Variants in SLC4A4 observed in about 807,000 individuals in gnomAD.
SLC4A4 encodes solute carrier family 4 member 4, also known as electrogenic sodium bicarbonate cotransporter 1.
In SLC4A4, 27 loss-of-function variants were observed where a neutral mutation model predicts 111.5. The observed-to-expected ratio is 0.24, with a 90% CI of 0.18 to 0.33. The LOEUF is 0.33. SLC4A4 is among the 10% of genes least tolerant of loss of function. The pLI, the probability that SLC4A4 is intolerant of heterozygous loss-of-function variation, is 1.00. For synonymous variants in SLC4A4, 443 were observed against 463.4 expected, an observed-to-expected ratio of 0.96 and a Z score of 0.57; for missense variants, 909 against 1,315.5, an observed-to-expected ratio of 0.69 and a Z score of 4.78.
chr4:71,198,961 G>A (rs575761379), intron 1 of SLC4A4, among the ~76,000 whole-genome samples: 4 of 152,134 alleles, frequency 2.6e-5, no homozygotes, highest in Non-Finnish European at 5.9e-5. Context: ...CAAATCACTG[G>A]GTGGATTAAG....
At chr4:71,279,288 G>A (rs1723311962) in intron 3 of SLC4A4, among the ~76,000 whole-genome samples, 4 of 152,022 alleles carry the variant, frequency 2.6e-5, no homozygotes, top group Admixed American at 2.0e-4. Flanking sequence ...TGCCTCTGTT[G>A]AGTATGACAT....
rs75101057 is a variant in SLC4A4 at position 71,270,557 on chromosome 4, T to G, written c.253+15158T>G. ...GATTCTGTGAGAACATTTGACCTCC[T>G]GGAATAAATCAGCAAATTACTTAAA... is the stretch of plus-strand genomic sequence containing the variant. On this transcript the variant is annotated intron_variant, in intron 3 of 25. Coordinates refer to ENST00000264485, the MANE Select transcript of SLC4A4 (RefSeq NM_001098484.3). 9.1e-3 allele frequency among the ~76,000 whole-genome samples: 1,387 copies of G among 152,342 alleles called. 14 individuals are homozygous for G. The highest frequency in any genetic ancestry group is 0.014 in the Non-Finnish European group (929 of 68,030).
intron 4 of SLC4A4, among the ~76,000 whole-genome samples, chr4:71,344,518 G>T (rs754644923): frequency 6.6e-6 from 1 of 152,092 alleles, no homozygotes; most frequent in African/African-American, 2.4e-5. Context: ...GATGTGACAT[G>T]AATCTTTTTC....
intron 2 of SLC4A4, among the ~76,000 whole-genome samples, chr4:71,249,792 G>A (rs1720933094): frequency 6.6e-6 from 1 of 151,696 alleles, no homozygotes; most frequent in Non-Finnish European, 1.5e-5. Context: ...GCTGAGGCAG[G>A]AGAATCACTT....
At chr4:71,346,698 G>C (rs1044335034) in intron 4 of SLC4A4, among the ~76,000 whole-genome samples, 1 of 152,000 alleles carries the variant, frequency 6.6e-6, no homozygotes, top group African/African-American at 2.4e-5. Context: ...ATTTGTCCTT[G>C]ATATGCGAGG....
intron 2 of SLC4A4, among the ~76,000 whole-genome samples, chr4:71,160,025 A>C (rs1744577576): frequency 6.6e-6 from 1 of 152,008 alleles, no homozygotes; most frequent in African/African-American, 2.4e-5. Flanking sequence ...TTGAATGCTT[A>C]CTATGCCAGA....
At chr4:71,180,986 C>T (rs1206543000) in intron 2 of SLC4A4, among the ~76,000 whole-genome samples, 2 of 152,054 alleles carry the variant, frequency 1.3e-5, no homozygotes, top group Admixed American at 1.3e-4. Context: ...CAATGATAGA[C>T]TGGATTAAGA....
chr4:71,085,353 G>A (rs931180918), intron 1 of SLC4A4, among the ~76,000 whole-genome samples: 6 of 151,918 alleles, frequency 3.9e-5, no homozygotes, highest in African/African-American at 7.3e-5. Flanking sequence ...CATTCTGTAG[G>A]TTGCCTGTTC....
chr4:71,137,372 C>T (rs2148964515), intron 2 of SLC4A4, among the ~76,000 whole-genome samples: 1 of 152,318 alleles, frequency 6.6e-6, no homozygotes, highest in Admixed American at 6.5e-5. Context: ...ATCTAGACAT[C>T]AGTCTGCCCA....
chr4:71,520,099 A>G (rs1422134239), intron 16 of SLC4A4, among the ~76,000 whole-genome samples: 1 of 152,194 alleles, frequency 6.6e-6, no homozygotes, highest in Non-Finnish European at 1.5e-5. Flanking sequence ...CATATGCTTA[A>G]ACATTATACA....
At chr4:71,487,069 A>G (rs1340992712) in intron 15 of SLC4A4, 51 bp downstream of exon 15, 2 of 1,061,720 alleles carry the variant, frequency 1.9e-6, no homozygotes, top group Non-Finnish European at 1.5e-6. Context: ...CATATTGTAT[A>G]CTTGTTTATA....
intron 1 of SLC4A4, among the ~76,000 whole-genome samples, chr4:71,071,192 C>T (rs1741649388): frequency 6.6e-6 from 1 of 151,426 alleles, no homozygotes. Flanking sequence ...ATTGCTTGAA[C>T]CCAGGAGGTG....
intron 7 of SLC4A4, among the ~76,000 whole-genome samples, chr4:71,425,470 A>G (rs1196333042): frequency 6.6e-6 from 1 of 152,098 alleles, no homozygotes; most frequent in African/African-American, 2.4e-5. Context: ...GTCTTGTGTA[A>G]ACCAAAAAGT....
intron 3 of SLC4A4, among the ~76,000 whole-genome samples, chr4:71,312,252 C>A (rs965032511): frequency 1.3e-5 from 2 of 152,090 alleles, no homozygotes; most frequent in African/African-American, 4.8e-5. Context: ...AGACCAATAA[C>A]AAGTTCTGAA....
chr4:71,240,869 G>C lies in SLC4A4; in HGVS notation c.73+4220G>C, dbSNP rs528356115. Reference sequence around the variant, plus strand: ...CGTGGTGGTCATGCCTATAATCCTAGCACTTTGGGAGGCCAAGGTGGGAGG... The same window carrying C: ...CGTGGTGGTCATGCCTATAATCCTACCACTTTGGGAGGCCAAGGTGGGAGG... On this transcript the variant is annotated intron_variant, in intron 2 of 25. Transcript: ENST00000264485. Among the ~76,000 whole-genome samples the C allele has an allele frequency of 6.6e-5, 10 of 152,148 alleles. No individual in the cohort carries two copies. In the East Asian group the frequency reaches 1.9e-3, roughly 29 times the overall value.
intron 3 of SLC4A4, among the ~76,000 whole-genome samples, chr4:71,284,353 G>A (rs1723745861): frequency 6.6e-6 from 1 of 152,168 alleles, no homozygotes; most frequent in African/African-American, 2.4e-5. Context: ...CACTCCCAGG[G>A]CCAGAGAGCC....
intron 6 of SLC4A4, among the ~76,000 whole-genome samples, chr4:71,372,194 C>G (rs187203040): frequency 1.1e-4 from 17 of 152,280 alleles, no homozygotes; most frequent in Admixed American, 7.2e-4. Context: ...TTTAAAGTTC[C>G]TTTTAAGGAG....
intron 3 of SLC4A4, among the ~76,000 whole-genome samples, chr4:71,269,281 A>T (rs1263934440): frequency 6.6e-6 from 1 of 152,248 alleles, no homozygotes; most frequent in Admixed American, 6.5e-5. Context: ...TCTAAAGTCA[A>T]CTGAATTCTA....
chr4:71,481,813 T>C (rs184428171), intron 14 of SLC4A4, among the ~76,000 whole-genome samples: 2 of 151,810 alleles, frequency 1.3e-5, no homozygotes, highest in Admixed American at 1.3e-4. Context: ...AGGAAAGAGA[T>C]ATGAAAATCC....
Sources: gnomAD v4.1 joint callset for allele counts (sites outside exome capture counted in the v4.1 genomes callset) on GRCh38, gnomAD v4.1.1 for gene constraint, MANE v1.5 for transcripts, NCBI Gene and HGNC (gene_info 2026-07-23, HGNC 2026-07-21) for gene names.